The following CDHR2 variants were observed in gnomAD, a reference collection of about 807,000 sequenced individuals.
CDHR2 encodes cadherin related family member 2.
In CDHR2, 104 loss-of-function variants were observed where a neutral mutation model predicts 138.6. That is an observed-to-expected ratio of 0.75 (90% CI 0.64 to 0.88). The LOEUF (loss-of-function observed/expected upper bound fraction) is 0.88. CDHR2 is among the 40% of genes least tolerant of loss of function. The pLI is 0.00. For missense variants in CDHR2, 1,624 were observed against 1,727.6 expected, an observed-to-expected ratio of 0.94 and a Z score of 1.06; for synonymous variants, 755 against 742.8, an observed-to-expected ratio of 1.02 and a Z score of -0.27.
At chr5:176,592,693 A>G in intron 30 of CDHR2, 30 bp from the exon 31 acceptor site, 1 of 1,610,796 alleles carries the variant, frequency 6.2e-7, no homozygotes, top group South Asian at 1.1e-5. Context: ...TGGGCCTGCC[A>G]ACACCTGAGC....
intron 31 of CDHR2, 28 bp downstream of exon 31, chr5:176,592,808 G>C: frequency 6.2e-7 from 1 of 1,605,758 alleles, no homozygotes; most frequent in Non-Finnish European, 8.5e-7. Flanking sequence ...TTGGTGCCTG[G>C]AGGTTCCAAC....
chr5:176,577,626 C>T lies in CDHR2; in HGVS notation c.1351-11C>T, dbSNP rs776189773. ...GGGCCCCACAGCTGCTGCCTCCTCC[C>T]CTGCCCCCAGGTTGTGGCCACAGAC... On this transcript the variant is annotated splice_polypyrimidine_tract_variant and intron_variant, in intron 13 of 31. Coordinates refer to ENST00000261944, the MANE Select transcript of CDHR2 (RefSeq NM_017675.6). 1.9e-6 allele frequency: 3 copies of T among 1,614,056 alleles called. No homozygotes were observed. The African/African-American group carries it at 4.0e-5, about 22-fold the overall frequency.
chr5:176,591,700 GAT>G, intron 30 of CDHR2: 1 of 565,308 alleles, frequency 1.8e-6, no homozygotes, highest in East Asian at 3.0e-5. Flanking sequence ...TGATGGTGGT[GAT>G]GATGGTGTTG....
In CDHR2 at chr5:176,593,567, T is replaced by C. The variant is rs558911165; in HGVS notation, c.3792+787T>C. ...GGAACTGCCCTCTCTCCTTCCCACT[T>C]TGAAAGCCACCTCTGGAGGAGACGC... On this transcript the variant is annotated intron_variant, in intron 31 of 31. Coordinates refer to ENST00000261944, the MANE Select transcript of CDHR2 (RefSeq NM_017675.6). 5.9e-5 allele frequency among the ~76,000 whole-genome samples: 9 copies of C among 152,266 alleles called. No individual in the cohort carries two copies. In the East Asian group the frequency reaches 1.7e-3, roughly 29 times the overall value.
At chr5:176,585,838 G>T in intron 19 of CDHR2, 116 bp from the exon 20 acceptor site, 2 of 779,718 alleles carry the variant, frequency 2.6e-6, no homozygotes. Flanking sequence ...AGGCTGCGGG[G>T]CACGGGGTTG....
At chr5:176,592,667 C>G (rs1317107942) in intron 30 of CDHR2, 56 bp from the exon 31 acceptor site, 17 of 1,496,536 alleles carry the variant, frequency 1.1e-5, no homozygotes, top group Non-Finnish European at 1.5e-5. Context: ...GGTTCTTGGG[C>G]ACAGTAAGGG....
chr5:176,594,334 C>G (rs1240708021), intron 31 of CDHR2, among the ~76,000 whole-genome samples: 1 of 152,164 alleles, frequency 6.6e-6, no homozygotes, highest in Non-Finnish European at 1.5e-5. Context: ...GCTGTCTGCC[C>G]CCTGCTCTCC....
chr5:176,580,675 G>C (rs1758511102), intron 16 of CDHR2, among the ~76,000 whole-genome samples: 4 of 150,718 alleles, frequency 2.7e-5, no homozygotes, highest in Admixed American at 6.6e-5. Context: ...AGGAGTTCAA[G>C]ACCAGCCTGG....
In CDHR2 at chr5:176,543,983, G is replaced by C. The variant is rs1757522204; in HGVS notation, c.-16+1214G>C. Among the ~76,000 whole-genome samples the C allele has an allele frequency of 6.6e-6, 1 of 152,260 alleles. No homozygotes were observed. On this transcript the variant is annotated intron_variant, in intron 1 of 31. Coordinates refer to the CDHR2 transcript ENST00000510636. This position sits in a 1 kb window ranked among gnomAD's most constrained non-coding sequence, Gnocchi z 4.0. ...TCAGGCCGCGGGTCCCGGCGCCGGA[G>C]GGTAGCCCCACCGTCCCCGCCTCCT... is the stretch of plus-strand genomic sequence containing the variant.
intron 21 of CDHR2, 78 bp downstream of exon 21, chr5:176,586,920 G>A: frequency 1.6e-6 from 2 of 1,255,486 alleles, no homozygotes; most frequent in East Asian, 2.5e-5. Flanking sequence ...GCCTTCCATG[G>A]TAGAAAGAAA....
chr5:176,584,349 G>T (rs1047750789), intron 18 of CDHR2, 61 bp from the exon 19 acceptor site: 1 of 1,612,110 alleles, frequency 6.2e-7, no homozygotes, highest in African/African-American at 1.3e-5. Flanking sequence ...AGAGGCAAGG[G>T]CAGAGGAGGC....
At chr5:176,546,916 T>C (rs947271469), upstream of CDHR2, among the ~76,000 whole-genome samples, 11 of 151,686 alleles carry the variant, frequency 7.3e-5, no homozygotes, top group African/African-American at 2.7e-4. Context: ...GCCTCTTGGG[T>C]ATCAAAACTC....
intron 16 of CDHR2, among the ~76,000 whole-genome samples, chr5:176,579,574 C>G (rs1758479122): frequency 6.6e-6 from 1 of 152,078 alleles, no homozygotes; most frequent in Non-Finnish European, 1.5e-5. Flanking sequence ...CCAGGGAGCA[C>G]TTGATGAATT....
At position 176,569,087 on chromosome 5, in the gene CDHR2, G is replaced by A. The variant is rs372311785; in HGVS notation, c.315+77G>A. On this transcript the variant is annotated intron_variant, in intron 5 of 31. Transcript: ENST00000261944. ...GATTGTGTCCCCACCTCCGGCAAGC[G>A]GACGGTGCCCCAGTTAACAGTGAAT... The A allele has an allele frequency of 2.9e-4, 392 of 1,363,100 alleles. 2 individuals are homozygous for A. The highest frequency in any genetic ancestry group is 5.5e-4 in the Middle Eastern group (3 of 5,468). The allele number at this position is 1,363,100 out of a possible 1,614,324, so 84.4% of individuals were successfully genotyped here. A position where few individuals can be genotyped will look rare whatever the true frequency, so the allele number is the denominator to read the frequency against.
At chr5:176,544,278 G>T (rs1207193980) in intron 1 of CDHR2, among the ~76,000 whole-genome samples, 1 of 152,190 alleles carries the variant, frequency 6.6e-6, no homozygotes, top group Non-Finnish European at 1.5e-5. Context: ...AGGAGGCTCT[G>T]GGGTGGGGAG....
intron 1 of CDHR2, among the ~76,000 whole-genome samples, chr5:176,561,455 A>G (rs1311049350): frequency 6.6e-6 from 1 of 152,096 alleles, no homozygotes; most frequent in Admixed American, 6.6e-5. Context: ...GGTGCATCAG[A>G]CGCAGACCTT....
At chr5:176,570,648 T>C (rs12519556) in intron 5 of CDHR2, among the ~76,000 whole-genome samples, 37,180 of 152,198 alleles carry the variant, frequency 0.24, 4,831 homozygotes, top group East Asian at 0.48. Flanking sequence ...CTGGCTGGCA[T>C]ATTTTATATT....
chr5:176,555,125 G>C (rs999364627), intron 1 of CDHR2, among the ~76,000 whole-genome samples: 2 of 152,130 alleles, frequency 1.3e-5, no homozygotes, highest in Admixed American at 6.5e-5. Context: ...TTCATGTTAC[G>C]GTCACTTCCA....
intron 1 of CDHR2, among the ~76,000 whole-genome samples, chr5:176,552,574 G>C (rs773474642): frequency 4.6e-5 from 7 of 152,206 alleles, no homozygotes; most frequent in Non-Finnish European, 7.3e-5. Flanking sequence ...CATGGGGAAG[G>C]CTTAGCATTG....
Sources: allele counts gnomAD v4.1 joint callset (sites outside exome capture counted in the v4.1 genomes callset), GRCh38; gene constraint gnomAD v4.1.1; non-coding constraint Gnocchi (gnomAD v3.1); transcripts MANE v1.5; gene names NCBI Gene and HGNC (gene_info 2026-07-23, HGNC 2026-07-21).